GSDMA: variants seen among roughly 807,000 people sequenced by gnomAD.
GSDMA encodes the protein gasdermin A, also known as gasdermin-A.
A neutral mutation model predicts 54.3 loss-of-function variants in GSDMA; 55 were observed. The observed-to-expected ratio is 1.01, with a 90% confidence interval of 0.82 to 1.27. The LOEUF is 1.27. Ranked by LOEUF, GSDMA falls within the 50% of genes most tolerant of loss-of-function variation. GSDMA has a pLI of 0.00. For missense variants in GSDMA, 542 were observed against 542.6 expected, an observed-to-expected ratio of 1.00 and a Z score of 0.01; for synonymous variants, 211 against 224.7, an observed-to-expected ratio of 0.94 and a Z score of 0.54.
intron 10 of GSDMA, 25 bp from the exon 11 acceptor site, chr17:39,975,899 A>T (rs765814298): frequency 6.4e-7 from 1 of 1,563,994 alleles, no homozygotes; most frequent in Non-Finnish European, 8.7e-7. Context: ...AGCAACACAC[A>T]TCTTTCTCTG....
intron 1 of GSDMA, among the ~76,000 whole-genome samples, chr17:39,964,740 T>C (rs1979558499): frequency 6.6e-6 from 1 of 152,136 alleles, no homozygotes; most frequent in South Asian, 2.1e-4. Context: ...CAGGCTCTTG[T>C]TGCCAGCAGC....
chr17:39,966,587 T>C (rs1056938417), intron 3 of GSDMA, 150 bp downstream of exon 3: 1 of 665,200 alleles, frequency 1.5e-6, no homozygotes. Flanking sequence ...GCAACCCTTC[T>C]GGCCCATGGC....
At chr17:39,964,779 A>G (rs1979560434) in intron 1 of GSDMA, among the ~76,000 whole-genome samples, 1 of 151,680 alleles carries the variant, frequency 6.6e-6, no homozygotes, top group East Asian at 1.9e-4. Flanking sequence ...GTGTCCTCCG[A>G]CTCTGGCTAT....
chr17:39,973,783 ATCTT>A, intron 7 of GSDMA, 23 bp from the exon 8 acceptor site: 1 of 1,599,268 alleles, frequency 6.3e-7, no homozygotes, highest in Non-Finnish European at 8.6e-7. Context: ...TTGCATTCTT[ATCTT>A]TTTTTTTTCC....
At chr17:39,973,290 G>A (rs1348077233) in intron 7 of GSDMA, among the ~76,000 whole-genome samples, 1 of 134,136 alleles carries the variant, frequency 7.5e-6, no homozygotes, top group Non-Finnish European at 1.6e-5. Flanking sequence ...TTTTTCTTGA[G>A]ACAGAGTCTC....
chr17:39,974,128 T>C (rs1014637992), intron 8 of GSDMA, 145 bp from the exon 9 acceptor site: 1 of 900,246 alleles, frequency 1.1e-6, no homozygotes, highest in African/African-American at 1.7e-5. Context: ...CATTCCTTGG[T>C]AAAGAAAAAT....
At chr17:39,975,135 T>C (rs2144798153) in intron 10 of GSDMA, 121 bp downstream of exon 10, 1 of 666,930 alleles carries the variant, frequency 1.5e-6, no homozygotes, top group Non-Finnish European at 2.7e-6. Context: ...AGTTAAGTAG[T>C]TTATATCTAC....
chr17:39,975,377 A>C (rs1980157970), intron 10 of GSDMA, among the ~76,000 whole-genome samples: 1 of 150,160 alleles, frequency 6.7e-6, no homozygotes, highest in African/African-American at 2.5e-5. Flanking sequence ...TGAACCCAGG[A>C]GGGGGAGGGT....
At chr17:39,970,056 A>G (rs1979858477) in intron 3 of GSDMA, among the ~76,000 whole-genome samples, 1 of 151,668 alleles carries the variant, frequency 6.6e-6, no homozygotes, top group African/African-American at 2.4e-5. Flanking sequence ...GTGGAGAGAA[A>G]GGATCCCAGA....
intron 2 of GSDMA, 52 bp from the exon 3 acceptor site, chr17:39,966,208 T>G: frequency 3.8e-6 from 6 of 1,584,988 alleles, no homozygotes; most frequent in Non-Finnish European, 5.2e-6. Context: ...ATTACAGGCA[T>G]GAGTTACTGC....
In GSDMA at chr17:39,972,119, C is replaced by T; in HGVS notation, c.656-10C>T. On this transcript the variant is annotated splice_polypyrimidine_tract_variant and intron_variant, in intron 5 of 11. Coordinates refer to ENST00000301659, the MANE Select transcript of GSDMA (RefSeq NM_178171.5). ...GTGTCCTCCCACCCTCCCTCCCTTG[C>T]CCTTCACAGATATTCCACATATCTG... is the stretch of plus-strand genomic sequence containing the variant. 8.7e-6 allele frequency: 5 copies of T among 571,604 alleles called. No homozygotes were observed. The highest frequency in any genetic ancestry group is 2.0e-5 in the African/African-American group (1 of 49,426). 35.4% of individuals were successfully genotyped at this position (571,604 alleles called of 1,614,324 possible).
Position 39,977,063 on chromosome 17 carries a change from C to T in GSDMA, c.*5C>T. 6.2e-7 allele frequency: 1 copy of T among 1,613,630 alleles called. No individual in the cohort carries two copies. The highest frequency in any genetic ancestry group is 8.5e-7 in the Non-Finnish European group (1 of 1,179,728). On this transcript the variant is annotated 3_prime_UTR_variant, in exon 12 of 12. Coordinates refer to ENST00000301659, the MANE Select transcript of GSDMA (RefSeq NM_178171.5). The stretch of plus-strand genomic sequence containing the variant: ...CAGCTTACCAAGGCCTCCTAATTTG[C>T]CTTTTACGTCTGCTTCATGACTCCC...
rs574680582 is a variant in GSDMA at position 39,974,782 on chromosome 17, C to G, written c.907-118C>G. 6 of 691,440 alleles carry G rather than the reference C, an allele frequency of 8.7e-6. No individual in the cohort carries two copies. In the South Asian group the frequency reaches 1.0e-4, roughly 11 times the overall value. 42.8% of individuals were successfully genotyped at this position (691,440 alleles called of 1,614,324 possible). A position where few individuals can be genotyped will look rare whatever the true frequency, so the allele number is the denominator to read the frequency against. ...CAGTACTCTTCAGGACATGAGGCCTCGAAAAAGAAATCAGGAAATGGAGAG... is the reference window on the plus strand; with the variant it reads ...CAGTACTCTTCAGGACATGAGGCCTGGAAAAAGAAATCAGGAAATGGAGAG... On this transcript the variant is annotated intron_variant, in intron 9 of 11. Transcript: ENST00000301659.
chr17:39,966,134 C>T (rs1047174535), intron 2 of GSDMA, 126 bp from the exon 3 acceptor site: 3 of 1,004,388 alleles, frequency 3.0e-6, no homozygotes, highest in Non-Finnish European at 4.6e-6. Context: ...GCTTTGTTGC[C>T]CAGGCTGGTT....
At position 39,971,479 on chromosome 17, in the gene GSDMA, C is replaced by A. The variant is rs370726029; in HGVS notation, c.559-45C>A. 78 of 1,493,294 alleles carry A rather than the reference C, an allele frequency of 5.2e-5. No homozygotes were observed. In the African/African-American group the frequency reaches 8.9e-4, roughly 17 times the overall value. The allele number at this position is 1,493,294 out of a possible 1,614,324, so 92.5% of individuals were successfully genotyped here. A position where few individuals can be genotyped will look rare whatever the true frequency, so the allele number is the denominator to read the frequency against. On this transcript the variant is annotated intron_variant, in intron 4 of 11. Coordinates refer to ENST00000301659, the MANE Select transcript of GSDMA (RefSeq NM_178171.5). Reference sequence around the variant, plus strand: ...CAACTCACGCTCCCAATATCTCATACTTAAGATGTCCAGAGATTCACAAAT... The same window carrying A: ...CAACTCACGCTCCCAATATCTCATAATTAAGATGTCCAGAGATTCACAAAT...
Position 39,974,267 on chromosome 17 carries a change from C to T in GSDMA, c.752-6C>T, listed in dbSNP as rs745621869. 1.2e-6 allele frequency: 2 copies of T among 1,606,986 alleles called. No homozygotes were observed. Among genetic ancestry groups the T allele is most frequent in the Non-Finnish European group, 1.7e-6 (2 of 1,177,000 alleles). ...AGGGCTGTGTGTCCCATTATTGTCC[C>T]CATAGGGGACGTACACGAAGGCTTC... On this transcript the variant is annotated splice_region_variant and splice_polypyrimidine_tract_variant and intron_variant, in intron 8 of 11. Transcript: ENST00000301659.
At position 39,976,883 on chromosome 17, in the gene GSDMA, T is replaced by G. The variant is rs377018805; in HGVS notation, c.1163T>G (p.Leu388Arg). ...KEGVFPLQPE[L>R]LSSLGDEELT... ...GGTGTTTTCCCCCTGCAACCTGAGCTGCTCTCCTCCCTTGGGGACGAGGAG... is the reference window on the plus strand; with the variant it reads ...GGTGTTTTCCCCCTGCAACCTGAGCGGCTCTCCTCCCTTGGGGACGAGGAG... The change falls in exon 12 of 12, where the codon CTG becomes CGG. Residue 388 changes from leucine to arginine, a missense_variant. Physicochemically the swap from Leu to Arg is moderately radical, Grantham distance 102. Coordinates refer to ENST00000301659, the MANE Select transcript of GSDMA (RefSeq NM_178171.5). 1.2e-6 allele frequency: 2 copies of G among 1,613,874 alleles called. No individual in the cohort carries two copies. The highest frequency in any genetic ancestry group is 1.3e-5 in the African/African-American group (1 of 74,908).
chr17:39,966,480 G>A, intron 3 of GSDMA, 43 bp downstream of exon 3: 2 of 1,513,872 alleles, frequency 1.3e-6, no homozygotes, highest in Non-Finnish European at 1.8e-6. Context: ...ATGTGGGTGG[G>A]GCAGTGCATG....
rs370360005 is a variant in GSDMA, at chr17:39,977,000, G to A, written c.1280G>A (p.Arg427His). The A allele has an allele frequency of 4.0e-5, 64 of 1,613,724 alleles. No homozygotes were observed. Among genetic ancestry groups the A allele is most frequent in the African/African-American group, 2.5e-4 (19 of 74,860 alleles). Residue 427 changes from arginine to histidine, a missense_variant, in exon 12 of 12, where the codon CGC becomes CAC. Transcript: ENST00000301659. Reference sequence around the variant, plus strand: ...ATGTGGGACCCAGACACCCTCCCTCGCCTCTGTGCTCTTTATGCAGGCCTC... The same window carrying A: ...ATGTGGGACCCAGACACCCTCCCTCACCTCTGTGCTCTTTATGCAGGCCTC... ...QYMWDPDTLP[R>H]LCALYAGLSL...
Sources: allele counts gnomAD v4.1 joint callset (sites outside exome capture counted in the v4.1 genomes callset), GRCh38; gene constraint gnomAD v4.1.1; transcripts MANE v1.5; gene names NCBI Gene and HGNC (gene_info 2026-07-23, HGNC 2026-07-21).